SLC25A31: variants seen among roughly 807,000 people sequenced by gnomAD.
The protein encoded by SLC25A31 is solute carrier family 25 member 31, also known as ADP/ATP translocase 4.
Under a neutral mutation model 36.2 loss-of-function variants are expected in SLC25A31, and 40 were observed. That is an observed-to-expected ratio of 1.10 (90% CI 0.86 to 1.44). The LOEUF is 1.44. Ranked by LOEUF, SLC25A31 falls within the 40% of genes most tolerant of loss-of-function variation. The pLI is 0.00. For missense variants in SLC25A31, 350 were observed against 397.1 expected, an observed-to-expected ratio of 0.88 and a Z score of 1.01; for synonymous variants, 143 against 149.7, an observed-to-expected ratio of 0.96 and a Z score of 0.32.
intron 3 of SLC25A31, among the ~76,000 whole-genome samples, chr4:127,766,153 T>G (rs148458899): frequency 8.7e-5 from 2 of 22,958 alleles, no homozygotes; most frequent in Admixed American, 5.6e-4. Context: ...TTTTTATTTG[T>G]TTTTTTTTTT....
intron 2 of SLC25A31, among the ~76,000 whole-genome samples, chr4:127,755,533 T>A (rs888385401): frequency 6.6e-6 from 1 of 152,078 alleles, no homozygotes; most frequent in East Asian, 1.9e-4. Flanking sequence ...AACAGGTACA[T>A]GAAAAAATGC....
At chr4:127,765,320 C>A (rs1406675770) in intron 3 of SLC25A31, among the ~76,000 whole-genome samples, 2 of 152,190 alleles carry the variant, frequency 1.3e-5, no homozygotes, top group Non-Finnish European at 2.9e-5. Context: ...GCAGTATCTT[C>A]CTCTGTAAGA....
chr4:127,743,308 T>A (rs76506316), intron 1 of SLC25A31, among the ~76,000 whole-genome samples: 3 of 152,088 alleles, frequency 2.0e-5, no homozygotes, highest in East Asian at 3.9e-4. Flanking sequence ...TTTATTTTTT[T>A]AATTTTTTGT....
At chr4:127,752,585 T>G (rs922209890) in intron 2 of SLC25A31, among the ~76,000 whole-genome samples, 2 of 151,432 alleles carry the variant, frequency 1.3e-5, no homozygotes, top group African/African-American at 4.8e-5. Context: ...AAAAAGATAT[T>G]GCAGGCAAAT....
chr4:127,735,428 C>A (rs1454275746), intron 1 of SLC25A31, among the ~76,000 whole-genome samples: 2 of 152,138 alleles, frequency 1.3e-5, no homozygotes, highest in Non-Finnish European at 2.9e-5. Context: ...ATCTAAATAG[C>A]CTTTTATTAT....
chr4:127,761,653 C>A (rs1732131344), intron 2 of SLC25A31, among the ~76,000 whole-genome samples: 1 of 152,150 alleles, frequency 6.6e-6, no homozygotes, highest in Admixed American at 6.5e-5. Context: ...CCATAGTAAT[C>A]CTTTTTGGCC....
At chr4:127,761,174 C>T (rs1036594769) in intron 2 of SLC25A31, among the ~76,000 whole-genome samples, 2 of 152,086 alleles carry the variant, frequency 1.3e-5, no homozygotes, top group Non-Finnish European at 2.9e-5. Context: ...ATCGGCCATA[C>T]CGTTTATATA....
Position 127,735,896 on chromosome 4 carries a change from A to ATTT in SLC25A31, c.232+5128_232+5130dup, listed in dbSNP as rs70966054. ...TATTTATTTATTTATTTATTTATTTATTTTTTTTTTTGAGACGGAGTCTCG... is the reference window on the plus strand; with the variant it reads ...TATTTATTTATTTATTTATTTATTTATTTTTTTTTTTTTTGAGACGGAGTCTCG... On this transcript the variant is annotated intron_variant, in intron 1 of 5. Transcript: ENST00000281154. Among the ~76,000 whole-genome samples, 33 of 74,636 alleles carry ATTT rather than the reference A, an allele frequency of 4.4e-4. 1 individual carries two copies. Among genetic ancestry groups the ATTT allele is most frequent in the African/African-American group, 1.1e-3 (26 of 23,236 alleles). 49.0% of individuals were successfully genotyped at this position (74,636 alleles called of 152,430 possible). A position where few individuals can be genotyped will look rare whatever the true frequency, so the allele number is the denominator to read the frequency against.
intron 1 of SLC25A31, among the ~76,000 whole-genome samples, chr4:127,738,508 G>T (rs192157812): frequency 1.0e-3 from 152 of 152,266 alleles, no homozygotes; most frequent in Non-Finnish European, 1.9e-3. Flanking sequence ...TGTATTTATG[G>T]AGACTTGCTT....
chr4:127,738,001 A>G (rs1421693462), intron 1 of SLC25A31, among the ~76,000 whole-genome samples: 1 of 152,196 alleles, frequency 6.6e-6, no homozygotes, highest in African/African-American at 2.4e-5. Flanking sequence ...GTGGCCATTA[A>G]TAGTTAAAAA....
chr4:127,731,054 G>A (rs1018074497), intron 1 of SLC25A31, among the ~76,000 whole-genome samples: 3 of 152,178 alleles, frequency 2.0e-5, no homozygotes, highest in African/African-American at 7.2e-5. Context: ...TGGTGCACCT[G>A]TGCCAGGTCC....
At chr4:127,752,132 C>A (rs1275468359) in intron 2 of SLC25A31, among the ~76,000 whole-genome samples, 1 of 152,058 alleles carries the variant, frequency 6.6e-6, no homozygotes, top group African/African-American at 2.4e-5. Flanking sequence ...ATGTTTATTG[C>A]GGCACTATTC....
intron 1 of SLC25A31, among the ~76,000 whole-genome samples, chr4:127,740,259 G>GT (rs566275549): frequency 1.3e-5 from 2 of 152,146 alleles, no homozygotes; most frequent in East Asian, 1.9e-4. Flanking sequence ...CATTATTGGG[G>GT]TTTTTTCTTT....
intron 5 of SLC25A31, among the ~76,000 whole-genome samples, chr4:127,769,579 T>C (rs1250095897): frequency 2.0e-5 from 3 of 152,216 alleles, no homozygotes; most frequent in East Asian, 1.9e-4. Context: ...CCTGTACTTA[T>C]TACATTCATC....
intron 2 of SLC25A31, among the ~76,000 whole-genome samples, chr4:127,759,468 G>A (rs1732088946): frequency 6.6e-6 from 1 of 152,018 alleles, no homozygotes; most frequent in African/African-American, 2.4e-5. Flanking sequence ...TCTTTCTCTT[G>A]CCTAATTGCT....
At chr4:127,761,426 G>A (rs1251161108) in intron 2 of SLC25A31, among the ~76,000 whole-genome samples, 2 of 152,132 alleles carry the variant, frequency 1.3e-5, no homozygotes, top group African/African-American at 2.4e-5. Context: ...GATTACCTCA[G>A]GAAAAAGATG....
intron 1 of SLC25A31, among the ~76,000 whole-genome samples, chr4:127,740,572 T>A (rs1731714295): frequency 6.6e-6 from 1 of 152,232 alleles, no homozygotes; most frequent in African/African-American, 2.4e-5. Context: ...GGAGAGCAGA[T>A]GGTCAGAATG....
Position 127,767,162 on chromosome 4 carries a change from C to G in SLC25A31, c.575C>G (p.Ser192Ter), listed in dbSNP as rs1332857326. The G allele has an allele frequency of 6.2e-7, 1 of 1,613,554 alleles. No individual in the cohort carries two copies. The highest frequency in any genetic ancestry group is 8.5e-7 in the Non-Finnish European group (1 of 1,179,812). ...GGTTTATACCAAGGGTTTGGTGTTT[C>G]AGTACAGGGCATCATTGTGTACCGA... Reference protein sequence around the residue: ...IAGLYQGFGVSVQGIIVYRAS... With the variant: ...IAGLYQGFGV Residue 192 changes from serine (S) to a stop codon, truncating the protein, a stop_gained, in exon 4 of 6, where the codon TCA becomes TGA. Coordinates refer to ENST00000281154, the MANE Select transcript of SLC25A31 (RefSeq NM_031291.4). LOFTEE classifies it high-confidence loss of function.
Position 127,767,221 on chromosome 4 carries a change from G to T in SLC25A31, c.633+1G>T, listed in dbSNP as rs754429888. ...TTTTGGAGCTTATGACACAGTTAAG[G>T]TAATCTGGGGGCTTTAACTTGGACA... On this transcript the variant is annotated splice_donor_variant, in intron 4 of 5. Coordinates refer to ENST00000281154, the MANE Select transcript of SLC25A31 (RefSeq NM_031291.4). LOFTEE classifies it high-confidence loss of function. 3 of 1,567,106 alleles carry T rather than the reference G, an allele frequency of 1.9e-6. No individual in the cohort carries two copies. The highest frequency in any genetic ancestry group is 2.7e-5 in the African/African-American group (2 of 73,018).
Sources: gnomAD v4.1 joint callset for allele counts (sites outside exome capture counted in the v4.1 genomes callset) on GRCh38, gnomAD v4.1.1 for gene constraint, MANE v1.5 for transcripts, NCBI Gene and HGNC (gene_info 2026-07-23, HGNC 2026-07-21) for gene names.